DLST: variants seen among roughly 807,000 people sequenced by gnomAD.
DLST encodes the protein dihydrolipoyllysine-residue succinyltransferase component of 2-oxoglutarate dehydrogenase complex, mitochondrial.
In DLST, 17 loss-of-function variants were observed where a neutral mutation model predicts 53.1. The observed-to-expected ratio is 0.32, with a 90% confidence interval of 0.22 to 0.48. The LOEUF is 0.48. DLST is among the 20% of genes least tolerant of loss of function. The probability of loss-of-function intolerance (pLI) is 0.99; values close to 1 mark genes in which losing one functional copy is unlikely to be tolerated. For missense variants in DLST, 512 were observed against 583.9 expected, an observed-to-expected ratio of 0.88 and a Z score of 1.27; for synonymous variants, 206 against 204.8, an observed-to-expected ratio of 1.01 and a Z score of -0.05.
At chr14:74,895,759 G>C (rs1884058309) in intron 10 of DLST, among the ~76,000 whole-genome samples, 1 of 152,158 alleles carries the variant, frequency 6.6e-6, no homozygotes, top group South Asian at 2.1e-4. Context: ...AATTACCCAG[G>C]CATGGTGGCG....
At chr14:74,898,902 C>A (rs1884156611) in intron 11 of DLST, among the ~76,000 whole-genome samples, 1 of 152,198 alleles carries the variant, frequency 6.6e-6, no homozygotes, top group African/African-American at 2.4e-5. Flanking sequence ...GATCTTAGGT[C>A]GATGGGCCTC....
intron 10 of DLST, 145 bp downstream of exon 10, chr14:74,894,554 T>C: frequency 1.1e-6 from 1 of 915,160 alleles, no homozygotes; most frequent in Non-Finnish European, 1.6e-6. Context: ...TTTGTTTTTG[T>C]TTTTGTTTTT....
chr14:74,888,042 A>G (rs1168057415), intron 3 of DLST, among the ~76,000 whole-genome samples: 1 of 152,198 alleles, frequency 6.6e-6, no homozygotes, highest in Non-Finnish European at 1.5e-5. Context: ...GAGATACCAT[A>G]TATGTCTACA....
rs1424415670 is a variant in DLST at position 74,902,386 on chromosome 14, C to A, written c.*56C>A. On this transcript the variant is annotated 3_prime_UTR_variant, in exon 15 of 15. Transcript: ENST00000334220. ...TGCAGGAACTGAAAACCAGTCTTCT[C>A]CCTGTCCCCTCATGGGTCCCGGGTT... The A allele has an allele frequency of 3.3e-6, 5 of 1,537,104 alleles. No homozygotes were observed. Among genetic ancestry groups the A allele is most frequent in the Admixed American group, 3.5e-5 (2 of 56,590 alleles).
rs1884233225 is a variant in DLST, at chr14:74,901,124, A to G, written c.1118A>G (p.Asn373Ser). Residue 373 changes from asparagine (N) to serine (S), a missense_variant, in exon 14 of 15, where the codon AAT becomes AGT. Asn to Ser is a conservative substitution (Grantham distance 46, BLOSUM62 1). Around this residue, in one of 4 missense-constraint regions of DLST, gnomAD observed 186 missense variants for 260.4 expected, o/e 0.71. Coordinates refer to ENST00000334220, the MANE Select transcript of DLST (RefSeq NM_001933.5). ...GATGGCGGTACCTTCACCATTAGCA[A>G]TGGAGGCGTTTTTGGCTCGCTCTTT... is the stretch of plus-strand genomic sequence containing the variant. ...DMDGGTFTIS[N>S]GGVFGSLFGT... 1 of 1,614,080 alleles carries G rather than the reference A, an allele frequency of 6.2e-7. No individual in the cohort carries two copies. The highest frequency in any genetic ancestry group is 1.7e-5 in the Admixed American group (1 of 60,012).
rs1375651074 is a variant in DLST, at chr14:74,891,102, T to G, written c.377T>G (p.Leu126Arg). Residue 126 changes from leucine to arginine, a missense_variant, in exon 7 of 15, where the codon CTT (leucine) becomes CGT (arginine). By Grantham distance (102) the Leu-to-Arg change is moderately radical. Coordinates refer to ENST00000334220, the MANE Select transcript of DLST (RefSeq NM_001933.5). ...PSPANGVIEALLVPDGGKVEG... is the reference protein window; with the variant it reads ...PSPANGVIEARLVPDGGKVEG... ...CCAGCAAATGGCGTGATTGAAGCTC[T>G]TTTGGTACCTGATGGGGGAAAAGTC... 3 of 1,614,074 alleles carry G rather than the reference T, an allele frequency of 1.9e-6. No individual in the cohort carries two copies. The highest frequency in any genetic ancestry group is 8.5e-7 in the Non-Finnish European group (1 of 1,180,002).
At chr14:74,889,249 G>A (rs772107822) in intron 4 of DLST, 26 bp from the exon 5 acceptor site, 51 of 1,609,664 alleles carry the variant, frequency 3.2e-5, no homozygotes, top group Admixed American at 1.9e-4. Context: ...AACTACTTAT[G>A]ATTTTCTTTT....
At chr14:74,901,960 T>A (rs1487588207) in intron 14 of DLST, among the ~76,000 whole-genome samples, 2 of 152,142 alleles carry the variant, frequency 1.3e-5, no homozygotes, top group African/African-American at 4.8e-5. Flanking sequence ...AGTATGTTTT[T>A]AAAAAATAAA....
chr14:74,889,438 G>A (rs1330023256), intron 5 of DLST, 89 bp downstream of exon 5: 9 of 1,076,878 alleles, frequency 8.4e-6, no homozygotes, highest in African/African-American at 3.4e-5. Context: ...GTATGATCTC[G>A]GCTCACTGCA....
rs773193795 is a variant in DLST at position 74,898,445 on chromosome 14, G to C, written c.847G>C (p.Ala283Pro). Residue 283 changes from alanine (A) to proline (P), a missense_variant, in exon 11 of 15, where the codon GCA becomes CCA. Physicochemically the swap from Ala to Pro is conservative, Grantham distance 27. This residue lies in a region of DLST where 186 missense variants were observed against 260.4 expected (regional missense o/e 0.71). Transcript: ENST00000334220. ...TAACCTCAAACTAGGCTTCATGTCG[G>C]CATTTGTGAAGGCCTCAGCCTTTGC... ...KHNLKLGFMS[A>P]FVKASAFALQ... 15 of 1,613,896 alleles carry C rather than the reference G, an allele frequency of 9.3e-6. No homozygotes were observed. Among genetic ancestry groups the C allele is most frequent in the African/African-American group, 1.3e-5 (1 of 74,916 alleles).
intron 10 of DLST, 99 bp downstream of exon 10, chr14:74,894,508 T>C: frequency 8.2e-7 from 1 of 1,226,312 alleles, no homozygotes; most frequent in Non-Finnish European, 1.1e-6. Flanking sequence ...AACTAACTTG[T>C]CAGGGAAGAG....
At chr14:74,885,790 TC>T (rs1883683251) in intron 3 of DLST, 156 bp downstream of exon 3, 1 of 665,644 alleles carries the variant, frequency 1.5e-6, no homozygotes, top group Non-Finnish European at 2.5e-6. Flanking sequence ...TGTTCACTTT[TC>T]CCATGTGATG....
chr14:74,892,382 C>T (rs143705921), intron 7 of DLST, among the ~76,000 whole-genome samples: 4 of 152,078 alleles, frequency 2.6e-5, no homozygotes, highest in East Asian at 1.9e-4. Flanking sequence ...GGATTACAGG[C>T]GTGAGCAACT....
chr14:74,885,708 C>G (rs374171608), intron 3 of DLST, 74 bp downstream of exon 3: 253 of 1,419,370 alleles, frequency 1.8e-4, no homozygotes, highest in Non-Finnish European at 2.3e-4. Flanking sequence ...TAAATTTGAC[C>G]ATCTGATTTC....
chr14:74,887,530 A>G (rs1444337740), intron 3 of DLST, among the ~76,000 whole-genome samples: 1 of 152,088 alleles, frequency 6.6e-6, no homozygotes, highest in Non-Finnish European at 1.5e-5. Flanking sequence ...ACTTTATTTA[A>G]TAAATCTTTT....
chr14:74,891,443 A>G (rs916754281), intron 7 of DLST: 11 of 1,091,790 alleles, frequency 1.0e-5, no homozygotes, highest in Non-Finnish European at 1.2e-5. Context: ...ATAGATATAC[A>G]GATTGAGCAT....
At chr14:74,890,734 G>C (rs1883875043) in intron 6 of DLST, among the ~76,000 whole-genome samples, 1 of 151,922 alleles carries the variant, frequency 6.6e-6, no homozygotes, top group African/African-American at 2.4e-5. Context: ...TTGTTGTTTT[G>C]AGACGTTTCG....
chr14:74,894,283 G>A lies in DLST; in HGVS notation c.673-29G>A, dbSNP rs752655266. 1.7e-5 allele frequency: 28 copies of A among 1,612,594 alleles called. No individual in the cohort carries two copies. In the South Asian group the frequency reaches 2.9e-4, roughly 16 times the overall value. The stretch of plus-strand genomic sequence containing the variant: ...ATGCTTGACCCAGAGAGATCAGATT[G>A]TCAATGCTTGTTCCACTCTTACTTT... On this transcript the variant is annotated intron_variant, in intron 9 of 14. Transcript: ENST00000334220.
At chr14:74,884,756 A>G (rs1883645990) in intron 2 of DLST, among the ~76,000 whole-genome samples, 1 of 152,202 alleles carries the variant, frequency 6.6e-6, no homozygotes, top group Non-Finnish European at 1.5e-5. Context: ...TGGCTTACCT[A>G]TCTTGGGATG....
Sources: allele counts gnomAD v4.1 joint callset (sites outside exome capture counted in the v4.1 genomes callset), GRCh38; gene constraint gnomAD v4.1.1; regional missense constraint gnomAD v4.1.1; transcripts MANE v1.5; gene names NCBI Gene and HGNC (gene_info 2026-07-23, HGNC 2026-07-21).